The following CERS6 variants were observed in gnomAD, a reference collection of about 807,000 sequenced individuals.
CERS6 encodes ceramide synthase 6.
Under a neutral mutation model 56.8 loss-of-function variants are expected in CERS6, and 26 were observed. That is an observed-to-expected ratio of 0.46 (90% CI 0.34 to 0.63). The LOEUF (loss-of-function observed/expected upper bound fraction) is 0.63, where lower values mean the gene tolerates loss of function less well. Ranked by LOEUF, CERS6 falls within the 30% of genes least tolerant of loss-of-function variation. CERS6 has a pLI of 0.01. For synonymous variants in CERS6, 164 were observed against 173.3 expected (o/e 0.95, Z 0.42); for missense variants, 415 against 467.5 (o/e 0.89, Z 1.04).
chr2:168,706,298 TATTGTGTCCTTTTCC>T (rs1574177324), intron 6 of CERS6, among the ~76,000 whole-genome samples: 1 of 152,232 alleles, frequency 6.6e-6, no homozygotes, highest in Non-Finnish European at 1.5e-5. Context: ...AATAAAATTT[TATTGTGTCCTTTTCC>T]ATGGTGATAA....
At position 168,682,465 on chromosome 2, in the gene CERS6, A is replaced by C. The variant is rs1273495097; in HGVS notation, c.466-8569A>C. Reference sequence around the variant, plus strand: ...ACACTGTATACCTTCTTGTAACCGGATCTTAACTTAAAATATGAATGTGCC... The same window carrying C: ...ACACTGTATACCTTCTTGTAACCGGCTCTTAACTTAAAATATGAATGTGCC... On this transcript the variant is annotated intron_variant, in intron 4 of 9. Coordinates refer to ENST00000305747, the MANE Select transcript of CERS6 (RefSeq NM_203463.3). Among the ~76,000 whole-genome samples the C allele has an allele frequency of 3.3e-5, 5 of 152,228 alleles. No individual in the cohort carries two copies. The South Asian group carries it at 8.3e-4, about 25-fold the overall frequency.
At chr2:168,530,486 A>G (rs1014887524) in intron 1 of CERS6, among the ~76,000 whole-genome samples, 2 of 152,250 alleles carry the variant, frequency 1.3e-5, no homozygotes, top group Non-Finnish European at 2.9e-5. Context: ...ATATAAATAC[A>G]TACCATGCAA....
chr2:168,727,907 C>A (rs1010433116), intron 8 of CERS6, among the ~76,000 whole-genome samples: 1 of 152,206 alleles, frequency 6.6e-6, no homozygotes, highest in South Asian at 2.1e-4. Context: ...GTAAGTCTTA[C>A]ATCTATCAGC....
At chr2:168,527,030 G>A (rs1695083968) in intron 1 of CERS6, among the ~76,000 whole-genome samples, 1 of 152,182 alleles carries the variant, frequency 6.6e-6, no homozygotes, top group Admixed American at 6.5e-5. Context: ...TGACACTGGG[G>A]CTGAGGCTCT....
chr2:168,632,788 T>TA (rs1684777220), intron 4 of CERS6, among the ~76,000 whole-genome samples: 1 of 152,182 alleles, frequency 6.6e-6, no homozygotes, highest in Admixed American at 6.5e-5. Context: ...GTCGGGTTGT[T>TA]AACTAAGGTC....
intron 1 of CERS6, among the ~76,000 whole-genome samples, chr2:168,511,979 C>G (rs957696164): frequency 2.1e-5 from 3 of 142,982 alleles, no homozygotes; most frequent in Admixed American, 7.1e-5. Context: ...CACACACACA[C>G]AGGAATATCA....
In CERS6 at chr2:168,456,371, C is replaced by T. The variant is rs1391714558; in HGVS notation, c.-78C>T. 1.0e-5 allele frequency: 12 copies of T among 1,191,324 alleles called. No homozygotes were observed. The highest frequency in any genetic ancestry group is 2.1e-5 in the South Asian group (1 of 47,756). 73.8% of individuals were successfully genotyped at this position (1,191,324 alleles called of 1,614,324 possible). A position where few individuals can be genotyped will look rare whatever the true frequency, so the allele number is the denominator to read the frequency against. The stretch of plus-strand genomic sequence containing the variant: ...CGGCACAGGCTCGGGGCCAGCCGGG[C>T]GCGCATCCCCGGGCGCCCTGCGCGG... On this transcript the variant is annotated 5_prime_UTR_variant, in exon 1 of 10. Transcript: ENST00000305747. The surrounding 1 kb of genome is among the most constrained non-coding windows in gnomAD (Gnocchi z 4.1).
intron 8 of CERS6, among the ~76,000 whole-genome samples, chr2:168,723,702 T>G (rs1683255434): frequency 1.3e-5 from 2 of 152,234 alleles, no homozygotes; most frequent in East Asian, 1.9e-4. Context: ...GTTATGAGTT[T>G]CCTCCAGGTA....
At chr2:168,607,886 A>G (rs1177988881) in intron 3 of CERS6, among the ~76,000 whole-genome samples, 4 of 152,202 alleles carry the variant, frequency 2.6e-5, no homozygotes, top group Non-Finnish European at 5.9e-5. Flanking sequence ...ATGGAACATT[A>G]CCTCAGTGTT....
intron 1 of CERS6, among the ~76,000 whole-genome samples, chr2:168,486,731 T>G (rs1281427375): frequency 6.6e-6 from 1 of 152,140 alleles, no homozygotes; most frequent in East Asian, 1.9e-4. Context: ...TTGATCCTCC[T>G]TATCTTAATA....
Position 168,657,291 on chromosome 2 carries a change from G to T in CERS6, c.465+26249G>T, listed in dbSNP as rs1013464042. ...TCACAAACCTTGAGCTAAACACAGGGTGCTGATTGGTGTATTTACAGTCCC... is the reference window on the plus strand; with the variant it reads ...TCACAAACCTTGAGCTAAACACAGGTTGCTGATTGGTGTATTTACAGTCCC... On this transcript the variant is annotated intron_variant, in intron 4 of 9. Coordinates refer to ENST00000305747, the MANE Select transcript of CERS6 (RefSeq NM_203463.3). Among the ~76,000 whole-genome samples, 3 of 152,240 alleles carry T rather than the reference G, an allele frequency of 2.0e-5. No homozygotes were observed. The East Asian group carries it at 5.8e-4, about 29-fold the overall frequency.
intron 4 of CERS6, among the ~76,000 whole-genome samples, chr2:168,676,963 C>T (rs1379496378): frequency 3.3e-5 from 5 of 150,056 alleles, no homozygotes; most frequent in African/African-American, 4.9e-5. Context: ...GCTAAGCCTC[C>T]GGCAGTTTTA....
intron 8 of CERS6, among the ~76,000 whole-genome samples, chr2:168,756,898 A>G (rs1303527517): frequency 6.6e-6 from 1 of 152,176 alleles, no homozygotes; most frequent in African/African-American, 2.4e-5. Flanking sequence ...ACACTGTGGA[A>G]AAAAAAGAAA....
intron 1 of CERS6, among the ~76,000 whole-genome samples, chr2:168,465,042 AAAGAT>A (rs1256507306): frequency 1.2e-4 from 18 of 152,244 alleles, no homozygotes; most frequent in Non-Finnish European, 2.2e-4. Flanking sequence ...TGTACACCCA[AAAGAT>A]TTGAAGTCAG....
At chr2:168,504,327 C>T (rs1055519458) in intron 1 of CERS6, among the ~76,000 whole-genome samples, 1 of 151,842 alleles carries the variant, frequency 6.6e-6, no homozygotes, top group African/African-American at 2.4e-5. Context: ...GCCAAGATTG[C>T]ACCACTGCAC....
intron 1 of CERS6, among the ~76,000 whole-genome samples, chr2:168,526,579 A>G (rs1386991829): frequency 6.6e-6 from 1 of 152,244 alleles, no homozygotes; most frequent in African/African-American, 2.4e-5. Context: ...ATATAACTGT[A>G]TTACAGAAAA....
chr2:168,505,617 G>A (rs1694663842), intron 1 of CERS6, among the ~76,000 whole-genome samples: 1 of 152,094 alleles, frequency 6.6e-6, no homozygotes, highest in African/African-American at 2.4e-5. Context: ...AAAAGAGTTG[G>A]AGTTAAGTAC....
At chr2:168,577,123 C>T (rs747940396) in intron 3 of CERS6, among the ~76,000 whole-genome samples, 6 of 151,908 alleles carry the variant, frequency 3.9e-5, no homozygotes, top group Non-Finnish European at 7.4e-5. Flanking sequence ...TGTAAAGCCT[C>T]GAGACGGTGC....
At chr2:168,757,461 GT>G (rs1413497987) in intron 8 of CERS6, among the ~76,000 whole-genome samples, 1 of 151,944 alleles carries the variant, frequency 6.6e-6, no homozygotes, top group African/African-American at 2.4e-5. Flanking sequence ...TGACCTAAAA[GT>G]AAAAATAAAT....
Sources: allele counts gnomAD v4.1 joint callset (sites outside exome capture counted in the v4.1 genomes callset), GRCh38; gene constraint gnomAD v4.1.1; non-coding constraint Gnocchi (gnomAD v3.1); transcripts MANE v1.5; gene names NCBI Gene and HGNC (gene_info 2026-07-23, HGNC 2026-07-21).